Variants in THSD7B observed in about 807,000 individuals in gnomAD.
The protein encoded by THSD7B is thrombospondin type 1 domain containing 7B.
THSD7B carries 138 observed loss-of-function variants against 213.6 expected under a neutral mutation model. The ratio of observed to expected loss-of-function variants is 0.65; its 90% CI spans 0.56 to 0.74. The LOEUF is 0.74. Among genes scored for constraint, THSD7B ranks in the 30% least tolerant of loss-of-function variants. The probability of loss-of-function intolerance (pLI) is 0.00; values close to 1 mark genes in which losing one functional copy is unlikely to be tolerated. For missense variants in THSD7B, 1,931 were observed against 1,991.5 expected (o/e 0.97, Z 0.58); for synonymous variants, 742 against 687.0 (o/e 1.08, Z -1.25).
intron 15 of THSD7B, among the ~76,000 whole-genome samples, chr2:137,561,777 C>T (rs1274462421): frequency 6.6e-6 from 1 of 152,134 alleles, no homozygotes; most frequent in Non-Finnish European, 1.5e-5. Context: ...AATGTAGGAA[C>T]TGCTTCTGAC....
intron 2 of THSD7B, among the ~76,000 whole-genome samples, chr2:136,917,641 G>C (rs1684370415): frequency 6.6e-6 from 1 of 152,142 alleles, no homozygotes; most frequent in African/African-American, 2.4e-5. Context: ...ATTTCAGTCT[G>C]TTCCCACAGA....
intron 2 of THSD7B, among the ~76,000 whole-genome samples, chr2:137,047,752 G>A (rs1354646261): frequency 6.6e-6 from 1 of 152,116 alleles, no homozygotes; most frequent in East Asian, 1.9e-4. Flanking sequence ...ATTAGCCTCT[G>A]GAACTTCTAA....
At chr2:136,797,397 G>A (rs777088206) in intron 1 of THSD7B, among the ~76,000 whole-genome samples, 3 of 151,926 alleles carry the variant, frequency 2.0e-5, no homozygotes, top group Non-Finnish European at 2.9e-5. Flanking sequence ...TGGAGAAGGC[G>A]TAAGTCTTTC....
chr2:137,620,053 T>C (rs1682488211), intron 19 of THSD7B, among the ~76,000 whole-genome samples: 1 of 152,214 alleles, frequency 6.6e-6, no homozygotes, highest in Non-Finnish European at 1.5e-5. Context: ...AAAATTTGTA[T>C]GGTTTGCCAA....
chr2:137,632,233 G>A (rs1682755325), intron 20 of THSD7B, among the ~76,000 whole-genome samples: 2 of 152,134 alleles, frequency 1.3e-5, no homozygotes, highest in African/African-American at 4.8e-5. Context: ...TTGAGAATAA[G>A]CAGAGAAAAT....
At chr2:136,867,786 C>A (rs1405379288) in intron 1 of THSD7B, among the ~76,000 whole-genome samples, 2 of 152,046 alleles carry the variant, frequency 1.3e-5, no homozygotes, top group Non-Finnish European at 2.9e-5. Context: ...GCCAGGATAC[C>A]CAGTGAACTT....
Position 137,188,560 on chromosome 2 carries a change from G to A in THSD7B, c.1723+17622G>A, listed in dbSNP as rs115051873. ...CATGATACACATTACCATAGAAAGG[G>A]CTGCAGGCAGAATACCTCTGAAGAC... is the stretch of plus-strand genomic sequence containing the variant. On this transcript the variant is annotated intron_variant, in intron 7 of 27. Coordinates refer to ENST00000409968, the MANE Select transcript of THSD7B (RefSeq NM_001316349.2). Among the ~76,000 whole-genome samples, 415 of 152,276 alleles carry A rather than the reference G, an allele frequency of 2.7e-3. 6 individuals carry two copies. The highest frequency in any genetic ancestry group is 9.3e-3 in the African/African-American group (386 of 41,548).
At chr2:136,966,453 G>A (rs1685315599) in intron 2 of THSD7B, among the ~76,000 whole-genome samples, 1 of 152,164 alleles carries the variant, frequency 6.6e-6, no homozygotes, top group African/African-American at 2.4e-5. Context: ...TTGGGTTCAA[G>A]TGATATGCCC....
rs79226197 is a variant in THSD7B, at chr2:137,025,343, C to T, written c.140-31077C>T. 3.3e-5 allele frequency among the ~76,000 whole-genome samples: 5 copies of T among 152,294 alleles called. No homozygotes were observed. The East Asian group carries it at 9.7e-4, about 29-fold the overall frequency. On this transcript the variant is annotated intron_variant, in intron 2 of 27. Coordinates refer to ENST00000409968, the MANE Select transcript of THSD7B (RefSeq NM_001316349.2). The stretch of plus-strand genomic sequence containing the variant: ...TTTCTCAACTGAAACATAATCTCTT[C>T]AGAGGAACCTTCTCTGATCTTCCTA...
intron 15 of THSD7B, among the ~76,000 whole-genome samples, chr2:137,487,575 TAAAG>T (rs1283057293): frequency 6.6e-6 from 1 of 150,474 alleles, no homozygotes; most frequent in Non-Finnish European, 1.5e-5. Context: ...GCAAGACTAA[TAAAG>T]AAGAAAAGAG....
chr2:136,778,978 C>T (rs968357665), intron 1 of THSD7B, among the ~76,000 whole-genome samples: 2 of 152,032 alleles, frequency 1.3e-5, no homozygotes, highest in Admixed American at 6.6e-5. Flanking sequence ...CAAAATCATC[C>T]CAAAAGTACA....
intron 12 of THSD7B, among the ~76,000 whole-genome samples, chr2:137,401,618 A>C (rs948478091): frequency 2.7e-5 from 4 of 148,256 alleles, no homozygotes; most frequent in African/African-American, 9.9e-5. Context: ...GTAGCTGCTG[A>C]GTTTTTTCTT....
intron 5 of THSD7B, among the ~76,000 whole-genome samples, chr2:137,151,749 G>A (rs184972541): frequency 6.6e-6 from 1 of 152,236 alleles, no homozygotes; most frequent in African/African-American, 2.4e-5. Context: ...TATATGACTA[G>A]CAGCACCACA....
intron 12 of THSD7B, among the ~76,000 whole-genome samples, chr2:137,346,822 C>A (rs1414252799): frequency 6.6e-6 from 1 of 151,664 alleles, no homozygotes; most frequent in Non-Finnish European, 1.5e-5. Context: ...ACCATTCATT[C>A]ATTCATTGGT....
intron 12 of THSD7B, among the ~76,000 whole-genome samples, chr2:137,383,597 C>A (rs548826688): frequency 6.6e-6 from 1 of 152,182 alleles, no homozygotes; most frequent in Admixed American, 6.5e-5. Context: ...TATGTAACCA[C>A]GCCATTTGAG....
chr2:137,538,201 CAT>C (rs1680542169), intron 15 of THSD7B, among the ~76,000 whole-genome samples: 1 of 151,688 alleles, frequency 6.6e-6, no homozygotes, highest in East Asian at 1.9e-4. Context: ...AATCAGCTCT[CAT>C]AGCCAGAGGA....
chr2:137,359,466 A>C (rs112787937), intron 12 of THSD7B, among the ~76,000 whole-genome samples: 4 of 152,170 alleles, frequency 2.6e-5, no homozygotes, highest in African/African-American at 9.6e-5. Context: ...GGGGGGTGCT[A>C]GTGAAGTCCA....
intron 17 of THSD7B, among the ~76,000 whole-genome samples, chr2:137,611,323 T>A (rs559332825): frequency 2.6e-5 from 4 of 152,244 alleles, no homozygotes; most frequent in Non-Finnish European, 5.9e-5. Context: ...TTTACTATGC[T>A]ATGCCCTATC....
At chr2:137,227,019 A>T in intron 7 of THSD7B, among the ~76,000 whole-genome samples, 1 of 152,182 alleles carries the variant, frequency 6.6e-6, no homozygotes, top group East Asian at 1.9e-4. Context: ...CAGAATAAAT[A>T]AATTCATAGA....
Sources: allele counts gnomAD v4.1 joint callset (sites outside exome capture counted in the v4.1 genomes callset), GRCh38; gene constraint gnomAD v4.1.1; transcripts MANE v1.5; gene names NCBI Gene and HGNC (gene_info 2026-07-23, HGNC 2026-07-21).